The following IFT140 variants were observed in gnomAD, a reference collection of about 807,000 sequenced individuals.
IFT140 encodes intraflagellar transport protein 140 homolog.
A neutral mutation model predicts 164.6 loss-of-function variants in IFT140; 133 were observed. The ratio of observed to expected loss-of-function variants is 0.81; its 90% CI spans 0.70 to 0.93. The LOEUF is 0.93. IFT140 is among the 40% of genes least tolerant of loss of function. The probability of loss-of-function intolerance (pLI) is 0.00; values close to 1 mark genes in which losing one functional copy is unlikely to be tolerated. For synonymous variants in IFT140, 860 were observed against 817.3 expected (o/e 1.05, Z -0.89); for missense variants, 2,045 against 1,972.3 (o/e 1.04, Z -0.70).
chr16:1,608,815 A>T (rs1182131645), intron 2 of IFT140, among the ~76,000 whole-genome samples: 1 of 152,096 alleles, frequency 6.6e-6, no homozygotes, highest in Non-Finnish European at 1.5e-5. Flanking sequence ...TCCTGGGCTC[A>T]AGTGATCCTC....
intron 19 of IFT140, chr16:1,540,917 C>T (rs1212116260): frequency 1.0e-6 from 1 of 985,294 alleles, no homozygotes; most frequent in Non-Finnish European, 1.2e-6. Flanking sequence ...GAGTGTCTGT[C>T]AGCACACACA....
At chr16:1,588,989 A>G (rs2035040175) in intron 7 of IFT140, among the ~76,000 whole-genome samples, 1 of 152,198 alleles carries the variant, frequency 6.6e-6, no homozygotes, top group South Asian at 2.1e-4. Context: ...ATCAGCCTCT[A>G]GAACTGTGAC....
chr16:1,519,813 C>T, intron 29 of IFT140, 68 bp downstream of exon 29: 1 of 1,428,876 alleles, frequency 7.0e-7, no homozygotes, highest in Non-Finnish European at 9.3e-7. Flanking sequence ...GCTGGGGTTT[C>T]TCGTGGTCAG....
At chr16:1,516,561 A>G (rs2040351541) in intron 30 of IFT140, among the ~76,000 whole-genome samples, 1 of 151,990 alleles carries the variant, frequency 6.6e-6, no homozygotes, top group Non-Finnish European at 1.5e-5. Flanking sequence ...TGAGGTCAGG[A>G]GATCGAGACC....
In IFT140 at chr16:1,555,216, G is replaced by A. The variant is rs371409351; in HGVS notation, c.2399+2719C>T. 1,857 of 720,682 alleles carry A rather than the reference G, an allele frequency of 2.6e-3. 2 individuals are homozygous for A. Among genetic ancestry groups the A allele is most frequent in the Admixed American group, 5.0e-3 (163 of 32,458 alleles). The allele number at this position is 720,682 out of a possible 1,614,324, so 44.6% of individuals were successfully genotyped here. On this transcript the variant is annotated intron_variant, in intron 19 of 30. Coordinates refer to ENST00000426508, the MANE Select transcript of IFT140 (RefSeq NM_014714.4). Reference sequence around the variant, plus strand: ...TGTCGGTCATATGTCTGTACGTGTCGTGGGCCAACCTCGTTCTGCCTCCAG... The same window carrying A: ...TGTCGGTCATATGTCTGTACGTGTCATGGGCCAACCTCGTTCTGCCTCCAG...
chr16:1,558,176 A>G lies in IFT140; in HGVS notation c.2200-42T>C, dbSNP rs2235641. On this transcript the variant is annotated intron_variant, in intron 18 of 30. Coordinates refer to ENST00000426508, the MANE Select transcript of IFT140 (RefSeq NM_014714.4). ...CCATGTGTTTGTTAATTCATATGTA[A>G]AGCTGAAGCCCTCACCCAGACCTCG... The G allele has an allele frequency of 0.29, 468,755 of 1,600,552 alleles. 74,085 individuals carry two copies. Among genetic ancestry groups the G allele is most frequent in the African/African-American group, 0.52 (38,531 of 74,622 alleles).
chr16:1,560,060 T>C (rs979973712), intron 18 of IFT140, among the ~76,000 whole-genome samples: 2 of 152,180 alleles, frequency 1.3e-5, no homozygotes, highest in Admixed American at 6.5e-5. Context: ...ATGTAAAACA[T>C]TGTTAATGCT....
At chr16:1,589,485 A>T in intron 7 of IFT140, 120 bp downstream of exon 7, 1 of 966,170 alleles carries the variant, frequency 1.0e-6, no homozygotes, top group African/African-American at 1.6e-5. Flanking sequence ...TAGCCGCCCT[A>T]ACTCAGTTGA....
intron 28 of IFT140, 35 bp from the exon 29 acceptor site, chr16:1,520,082 T>C (rs746384625): frequency 6.2e-7 from 1 of 1,608,712 alleles, no homozygotes. Flanking sequence ...CCTGCCGGGC[T>C]CCACAGCCCT....
chr16:1,602,354 G>A lies in IFT140; in HGVS notation c.369+16C>T, dbSNP rs1334020580. On this transcript the variant is annotated intron_variant, in intron 4 of 30. Transcript: ENST00000426508. Reference sequence around the variant, plus strand: ...GGTCAAGGTCTGAAAACAGCGTCTTGCGCGTGTTGACTCACCCTGTCCCCA... The same window carrying A: ...GGTCAAGGTCTGAAAACAGCGTCTTACGCGTGTTGACTCACCCTGTCCCCA... 1.9e-6 allele frequency: 3 copies of A among 1,608,170 alleles called. No homozygotes were observed. Among genetic ancestry groups the A allele is most frequent in the Non-Finnish European group, 2.6e-6 (3 of 1,174,868 alleles).
At chr16:1,570,028 A>AC (rs770041293) in intron 14 of IFT140, among the ~76,000 whole-genome samples, 1 of 151,666 alleles carries the variant, frequency 6.6e-6, no homozygotes, top group Admixed American at 6.6e-5. Context: ...TGTCTCTGTG[A>AC]CCCCCACCCT....
At chr16:1,554,330 A>C (rs1052644597) in intron 19 of IFT140, among the ~76,000 whole-genome samples, 1 of 152,220 alleles carries the variant, frequency 6.6e-6, no homozygotes, top group Non-Finnish European at 1.5e-5. Flanking sequence ...TCTTTGAATG[A>C]ATTAAGCATT....
At position 1,541,460 on chromosome 16, in the gene IFT140, C is replaced by T. The variant is rs370396926; in HGVS notation, c.2400-14664G>A. On this transcript the variant is annotated intron_variant, in intron 19 of 30. Transcript: ENST00000426508. Reference sequence around the variant, plus strand: ...GGGCAGCTGAGCACGCAGGACAGCACGCCTGAGGAGCTGGCCCCCCGCGGA... The same window carrying T: ...GGGCAGCTGAGCACGCAGGACAGCATGCCTGAGGAGCTGGCCCCCCGCGGA... 908 of 985,398 alleles carry T rather than the reference C, an allele frequency of 9.2e-4. 8 individuals carry two copies. Among genetic ancestry groups the T allele is most frequent in the African/African-American group, 5.0e-3 (287 of 57,350 alleles). The allele number at this position is 985,398 out of a possible 1,614,324, so 61.0% of individuals were successfully genotyped here.
intron 2 of IFT140, among the ~76,000 whole-genome samples, chr16:1,607,546 A>G (rs2036140509): frequency 6.6e-6 from 1 of 152,204 alleles, no homozygotes; most frequent in Non-Finnish European, 1.5e-5. Flanking sequence ...ACTCATGGCC[A>G]TCAAAGGAGG....
chr16:1,571,648 G>A, intron 13 of IFT140, 114 bp from the exon 14 acceptor site: 1 of 1,166,462 alleles, frequency 8.6e-7, no homozygotes, highest in Non-Finnish European at 1.2e-6. Context: ...ACTGAACATT[G>A]TTCACAGATA....
chr16:1,593,752 C>T (rs1275705002), intron 4 of IFT140, among the ~76,000 whole-genome samples: 1 of 152,008 alleles, frequency 6.6e-6, no homozygotes, highest in Non-Finnish European at 1.5e-5. Context: ...TGCATGCTGC[C>T]GGCATTGTCA....
intron 13 of IFT140, chr16:1,577,616 G>A (rs1382221761): frequency 1.3e-5 from 2 of 152,250 alleles, no homozygotes; most frequent in African/African-American, 2.4e-5. Flanking sequence ...CACTTTGGGA[G>A]GCTGAGGCAG....
intron 18 of IFT140, among the ~76,000 whole-genome samples, chr16:1,559,719 A>G (rs1433409720): frequency 1.3e-5 from 2 of 152,256 alleles, no homozygotes; most frequent in Admixed American, 1.3e-4. Context: ...GCTCAAATAA[A>G]GAGAGCTGAC....
chr16:1,573,879 T>C (rs13380726), intron 13 of IFT140, among the ~76,000 whole-genome samples: 2,919 of 152,132 alleles, frequency 0.019, 106 homozygotes, highest in African/African-American at 0.067. Context: ...TAAGTCAAAA[T>C]TGGGGAAAGG....
Sources: gnomAD v4.1 joint callset for allele counts (sites outside exome capture counted in the v4.1 genomes callset) on GRCh38, gnomAD v4.1.1 for gene constraint, MANE v1.5 for transcripts, NCBI Gene and HGNC (gene_info 2026-07-23, HGNC 2026-07-21) for gene names.